The following CLYBL variants were observed in gnomAD, a reference collection of about 807,000 sequenced individuals.
CLYBL encodes citramalyl-CoA lyase, mitochondrial.
In CLYBL, 31 loss-of-function variants were observed where a neutral mutation model predicts 38.9. That is an observed-to-expected ratio of 0.80 (90% CI 0.60 to 1.08). CLYBL has a LOEUF of 1.08. Among genes scored for constraint, CLYBL ranks in the 50% least tolerant of loss-of-function variants. CLYBL has a pLI of 0.00. For synonymous variants in CLYBL, 171 were observed against 158.6 expected (o/e 1.08, Z -0.59); for missense variants, 434 against 411.6 (o/e 1.05, Z -0.47).
chr13:99,758,332 A>G (rs2049103688), intron 1 of CLYBL, among the ~76,000 whole-genome samples: 1 of 152,188 alleles, frequency 6.6e-6, no homozygotes, highest in Non-Finnish European at 1.5e-5. Flanking sequence ...GGGATGGCAT[A>G]TCTAAAAAAG....
intron 2 of CLYBL, among the ~76,000 whole-genome samples, chr13:99,807,443 C>T (rs1357698838): frequency 2.0e-5 from 3 of 152,094 alleles, no homozygotes; most frequent in African/African-American, 4.8e-5. Flanking sequence ...CCTAGGTGCC[C>T]GCTCACAGAT....
intron 1 of CLYBL, among the ~76,000 whole-genome samples, chr13:99,644,714 C>T (rs890979472): frequency 6.6e-6 from 1 of 152,170 alleles, no homozygotes; most frequent in African/African-American, 2.4e-5. Flanking sequence ...TCTCTGTCCC[C>T]ATGATTTCAA....
exon 10 of CLYBL, among the ~76,000 whole-genome samples, chr13:99,908,246 T>C (rs2052716944): frequency 6.6e-6 from 1 of 152,158 alleles, no homozygotes; most frequent in African/African-American, 2.4e-5. Flanking sequence ...AGAACTCCCT[T>C]CCCTCTGGGC....
chr13:99,799,909 C>G (rs1237065566), intron 2 of CLYBL, among the ~76,000 whole-genome samples: 1 of 152,214 alleles, frequency 6.6e-6, no homozygotes, highest in African/African-American at 2.4e-5. Flanking sequence ...ACCCAGGGGC[C>G]TGCAGCGGTG....
At chr13:99,772,164 A>G (rs1228744872) in intron 1 of CLYBL, among the ~76,000 whole-genome samples, 4 of 151,812 alleles carry the variant, frequency 2.6e-5, no homozygotes, top group African/African-American at 9.7e-5. Flanking sequence ...GTTGTTTAGT[A>G]CCTTTTGGAT....
chr13:99,739,439 G>A (rs550025409), intron 1 of CLYBL, among the ~76,000 whole-genome samples: 1 of 151,812 alleles, frequency 6.6e-6, no homozygotes, highest in East Asian at 1.9e-4. Context: ...ACTGGCCAGG[G>A]TGTCCCCCAA....
Position 99,886,750 on chromosome 13 carries a change from A to G in CLYBL, c.928-4568A>G, listed in dbSNP as rs534948390. The stretch of plus-strand genomic sequence containing the variant: ...GCCCTGATTGGGAAGAAGTGCAGCC[A>G]TGGCAGGCCCTCAGATCGTCCCTGT... On this transcript the variant is annotated intron_variant, in intron 7 of 8. Transcript: ENST00000339105. 8.1e-4 allele frequency among the ~76,000 whole-genome samples: 123 copies of G among 152,360 alleles called. 1 individual carries two copies. The highest frequency in any genetic ancestry group is 2.8e-3 in the African/African-American group (118 of 41,600).
At chr13:99,837,221 G>A (rs920681868) in intron 2 of CLYBL, among the ~76,000 whole-genome samples, 3 of 152,256 alleles carry the variant, frequency 2.0e-5, no homozygotes, top group South Asian at 2.1e-4. Flanking sequence ...GCCAAGACAG[G>A]AGGATCGCTT....
rs143681599 is a variant in CLYBL at position 99,822,145 on chromosome 13, C to T, written c.250-36716C>T. ...CCACATAAGTGACCCCTGGCGAGAC[C>T]AGCAGGAGAATCATGCCAATGGGCC... On this transcript the variant is annotated intron_variant, in intron 2 of 8. Transcript: ENST00000339105. Among the ~76,000 whole-genome samples, 242 of 152,304 alleles carry T rather than the reference C, an allele frequency of 1.6e-3. 2 individuals carry two copies. Among genetic ancestry groups the T allele is most frequent in the African/African-American group, 5.7e-3 (236 of 41,582 alleles).
Position 99,608,847 on chromosome 13 carries a change from C to CTTTTTTTTTTTTTTTTTTTTTTTTTTTTT in CLYBL, c.62+2091_62+2119dup, listed in dbSNP as rs57961216. Among the ~76,000 whole-genome samples, 18 of 87,876 alleles carry CTTTTTTTTTTTTTTTTTTTTTTTTTTTTT rather than the reference C, an allele frequency of 2.0e-4. 1 individual carries two copies. Among genetic ancestry groups the CTTTTTTTTTTTTTTTTTTTTTTTTTTTTT allele is most frequent in the East Asian group, 1.2e-3 (2 of 1,602 alleles). 57.7% of individuals were successfully genotyped at this position (87,876 alleles called of 152,430 possible). A position where few individuals can be genotyped will look rare whatever the true frequency, so the allele number is the denominator to read the frequency against. ...TTAGGGTTCTATGTAAGTGATGAGTCTTTTTTTTTTTTTTTTTTTTTTTTT... is the reference window on the plus strand; with the variant it reads ...TTAGGGTTCTATGTAAGTGATGAGTCTTTTTTTTTTTTTTTTTTTTTTTTTTTTTTTTTTTTTTTTTTTTTTTTTTTTTT... On this transcript the variant is annotated intron_variant, in intron 1 of 8. Coordinates refer to ENST00000339105, the MANE Select transcript of CLYBL (RefSeq NM_206808.5).
rs75505509 is a variant in CLYBL at position 99,705,684 on chromosome 13, T to C, written c.63-67140T>C. ...AAGGACAAATATGTGATTGTACTTATATGAGGTACCTAGAGTAGTCAAATT... is the reference window on the plus strand; with the variant it reads ...AAGGACAAATATGTGATTGTACTTACATGAGGTACCTAGAGTAGTCAAATT... On this transcript the variant is annotated intron_variant, in intron 1 of 8. Coordinates refer to ENST00000339105, the MANE Select transcript of CLYBL (RefSeq NM_206808.5). Among the ~76,000 whole-genome samples, 1,037 of 152,150 alleles carry C rather than the reference T, an allele frequency of 6.8e-3. 3 individuals are homozygous for C. Among genetic ancestry groups the C allele is most frequent in the Non-Finnish European group, 0.011 (719 of 68,006 alleles).
chr13:99,633,073 C>G (rs1453028315), intron 1 of CLYBL, among the ~76,000 whole-genome samples: 2 of 151,636 alleles, frequency 1.3e-5, no homozygotes, highest in African/African-American at 4.8e-5. Flanking sequence ...AACCCTGTCT[C>G]TAACTAAAAA....
intron 2 of CLYBL, among the ~76,000 whole-genome samples, chr13:99,830,517 A>G (rs879782119): frequency 1.3e-5 from 2 of 152,202 alleles, no homozygotes; most frequent in Non-Finnish European, 2.9e-5. Context: ...GGAATGTTGC[A>G]GAGAGGAGTC....
At chr13:99,645,883 G>A (rs1237558719) in intron 1 of CLYBL, among the ~76,000 whole-genome samples, 1 of 152,072 alleles carries the variant, frequency 6.6e-6, no homozygotes, top group African/African-American at 2.4e-5. Context: ...TGTGCTTTTG[G>A]GGCCTTAGGG....
intron 7 of CLYBL, 137 bp from the exon 8 acceptor site, chr13:99,891,181 G>T: frequency 7.7e-6 from 5 of 645,256 alleles, no homozygotes; most frequent in South Asian, 4.1e-5. Flanking sequence ...ATTTACTTTG[G>T]CTTTCTCAAA....
chr13:99,863,155 G>C, intron 4 of CLYBL, 63 bp downstream of exon 4: 3 of 840,134 alleles, frequency 3.6e-6, no homozygotes, highest in Non-Finnish European at 5.5e-6. Context: ...GAGAACTTTT[G>C]CTTTCAATTT....
rs34452564 is a variant in CLYBL at position 99,670,030 on chromosome 13, T to TAA, written c.62+63285_62+63286dup. Reference sequence around the variant, plus strand: ...CAACATAGTGAAACCCCGTCTCTATTAAAAAAAAAAAAATGAAAATTAGCC... The same window carrying TAA: ...CAACATAGTGAAACCCCGTCTCTATTAAAAAAAAAAAAAAATGAAAATTAGCC... On this transcript the variant is annotated intron_variant, in intron 1 of 8. Transcript: ENST00000339105. Among the ~76,000 whole-genome samples, 295 of 148,392 alleles carry TAA rather than the reference T, an allele frequency of 2.0e-3. 1 individual carries two copies. Among genetic ancestry groups the TAA allele is most frequent in the African/African-American group, 5.3e-3 (213 of 40,434 alleles).
intron 2 of CLYBL, among the ~76,000 whole-genome samples, chr13:99,815,284 G>T (rs747659258): frequency 5.9e-5 from 9 of 152,166 alleles, no homozygotes; most frequent in Non-Finnish European, 1.2e-4. Flanking sequence ...TGTGAATGGC[G>T]TGTGGGGATG....
At chr13:99,680,658 C>T (rs1171422784) in intron 1 of CLYBL, among the ~76,000 whole-genome samples, 1 of 152,184 alleles carries the variant, frequency 6.6e-6, no homozygotes, top group Non-Finnish European at 1.5e-5. Flanking sequence ...CACAGAATGG[C>T]CCACCAGGGT....
Sources: gnomAD v4.1 joint callset for allele counts (sites outside exome capture counted in the v4.1 genomes callset) on GRCh38, gnomAD v4.1.1 for gene constraint, MANE v1.5 for transcripts, NCBI Gene and HGNC (gene_info 2026-07-23, HGNC 2026-07-21) for gene names.